INPP5D: variants seen among roughly 807,000 people sequenced by gnomAD.
INPP5D encodes the protein inositol polyphosphate-5-phosphatase D.
INPP5D carries 33 observed loss-of-function variants against 122.9 expected under a neutral mutation model. The observed-to-expected ratio is 0.27, with a 90% CI of 0.20 to 0.36. The LOEUF (loss-of-function observed/expected upper bound fraction) is 0.36, where lower values mean the gene tolerates loss of function less well. Ranked by LOEUF, INPP5D falls within the 10% of genes least tolerant of loss-of-function variation. The pLI is 1.00. For synonymous variants in INPP5D, 584 were observed against 576.2 expected (o/e 1.01, Z -0.19); for missense variants, 1,053 against 1,412.7 (o/e 0.75, Z 4.08).
intron 3 of INPP5D, among the ~76,000 whole-genome samples, chr2:233,125,262 A>C (rs1384086684): frequency 6.6e-6 from 1 of 152,144 alleles, no homozygotes; most frequent in Non-Finnish European, 1.5e-5. Flanking sequence ...GAGAGAGGGG[A>C]CCAGGGAGAG....
At chr2:233,091,754 T>C (rs1402872067) in intron 2 of INPP5D, among the ~76,000 whole-genome samples, 1 of 152,274 alleles carries the variant, frequency 6.6e-6, no homozygotes, top group East Asian at 1.9e-4. Flanking sequence ...TAAGGAGGGC[T>C]TGGGAGGCGG....
rs115467136 is a variant in INPP5D at position 233,200,483 on chromosome 2, T to C, written c.2975+2107T>C. On this transcript the variant is annotated intron_variant, in intron 25 of 26. Transcript: ENST00000445964. Reference sequence around the variant, plus strand: ...TAACACTGGTTTTTTCTTCATCCTTTTTCCATGAGGACTTGCGTGCTGTCC... The same window carrying C: ...TAACACTGGTTTTTTCTTCATCCTTCTTCCATGAGGACTTGCGTGCTGTCC... Among the ~76,000 whole-genome samples, 287 of 152,318 alleles carry C rather than the reference T, an allele frequency of 1.9e-3. 2 individuals carry two copies. Among genetic ancestry groups the C allele is most frequent in the African/African-American group, 6.6e-3 (274 of 41,556 alleles).
intron 2 of INPP5D, among the ~76,000 whole-genome samples, chr2:233,099,822 A>T (rs568423793): frequency 6.6e-6 from 1 of 152,314 alleles, no homozygotes; most frequent in East Asian, 1.9e-4. Flanking sequence ...GCAGCTGATA[A>T]AGACATACCT....
intron 6 of INPP5D, 160 bp from the exon 7 acceptor site, chr2:233,146,002 A>T (rs1257672549): frequency 1.0e-5 from 7 of 702,078 alleles, no homozygotes; most frequent in Non-Finnish European, 1.8e-5. Flanking sequence ...AAGATTGTAG[A>T]GATCCCTGTG....
chr2:233,083,143 C>T (rs11674010), intron 2 of INPP5D, among the ~76,000 whole-genome samples: 26 of 152,358 alleles, frequency 1.7e-4, no homozygotes, highest in Middle Eastern at 3.4e-3. Context: ...GCGATGTGGC[C>T]TTGGGCAAGG....
At chr2:233,098,762 C>A (rs79411488) in intron 2 of INPP5D, among the ~76,000 whole-genome samples, 2 of 152,218 alleles carry the variant, frequency 1.3e-5, no homozygotes, top group African/African-American at 4.8e-5. Flanking sequence ...GAACCCAAGG[C>A]CTGCAGAGTG....
intron 2 of INPP5D, among the ~76,000 whole-genome samples, chr2:233,094,175 G>A (rs1227211503): frequency 2.0e-5 from 3 of 151,586 alleles, no homozygotes; most frequent in African/African-American, 4.9e-5. Context: ...GGATATATTG[G>A]GTTAAATAAA....
At chr2:233,092,003 A>G (rs943840315) in intron 2 of INPP5D, among the ~76,000 whole-genome samples, 1 of 152,224 alleles carries the variant, frequency 6.6e-6, no homozygotes, top group African/African-American at 2.4e-5. Flanking sequence ...GGAAAGGCCA[A>G]GGAGGGAAGG....
At chr2:233,116,256 T>TAGATAGATAG (rs1349467023) in intron 2 of INPP5D, among the ~76,000 whole-genome samples, 140 of 121,974 alleles carry the variant, frequency 1.1e-3, no homozygotes, top group Admixed American at 2.3e-3. Context: ...TAGATAGATA[T>TAGATAGATAG]AGATATAGAT....
Position 233,118,321 on chromosome 2 carries a change from A to T in INPP5D, c.199-3786A>T, listed in dbSNP as rs547052829. 7.9e-5 allele frequency among the ~76,000 whole-genome samples: 12 copies of T among 152,126 alleles called. No homozygotes were observed. The East Asian group carries it at 2.3e-3, about 29-fold the overall frequency. ...GGGCCCAGGTTCAGAATGCAACACC[A>T]TGTGTGGGCTGCTCCTCTCTGCACT... On this transcript the variant is annotated intron_variant, in intron 2 of 26. Coordinates refer to ENST00000445964, the MANE Select transcript of INPP5D (RefSeq NM_001017915.3).
chr2:233,132,696 G>A (rs920841808), intron 5 of INPP5D, among the ~76,000 whole-genome samples: 16 of 152,212 alleles, frequency 1.1e-4, no homozygotes, highest in African/African-American at 3.1e-4. Flanking sequence ...AAACTGCTTT[G>A]ATTAGAATAG....
chr2:233,172,426 G>A (rs575681462), intron 17 of INPP5D, among the ~76,000 whole-genome samples: 1 of 152,314 alleles, frequency 6.6e-6, no homozygotes, highest in South Asian at 2.1e-4. Flanking sequence ...GGGCATCGGT[G>A]AGGAGGCCGT....
At chr2:233,121,959 G>T in intron 2 of INPP5D, 148 bp from the exon 3 acceptor site, 1 of 797,044 alleles carries the variant, frequency 1.3e-6, no homozygotes. Context: ...TGGGCATGAG[G>T]GTCACACACC....
At chr2:233,147,680 C>T in intron 9 of INPP5D, 86 bp downstream of exon 9, 1 of 679,498 alleles carries the variant, frequency 1.5e-6, no homozygotes, top group Non-Finnish European at 2.7e-6. Context: ...GAAGGCCTGC[C>T]CTGCAGGTCT....
intron 8 of INPP5D, among the ~76,000 whole-genome samples, chr2:233,147,208 G>A (rs907024649): frequency 1.3e-5 from 2 of 152,114 alleles, no homozygotes; most frequent in Non-Finnish European, 1.5e-5. Flanking sequence ...CCAGCAATTC[G>A]TCTGTTTCCG....
chr2:233,127,366 G>A (rs1407655166), intron 4 of INPP5D, among the ~76,000 whole-genome samples: 2 of 152,202 alleles, frequency 1.3e-5, no homozygotes, highest in Admixed American at 1.3e-4. Context: ...CCATTCTCAG[G>A]GTCAAGGAAA....
At chr2:233,124,089 G>A (rs1331652405) in intron 3 of INPP5D, among the ~76,000 whole-genome samples, 1 of 151,680 alleles carries the variant, frequency 6.6e-6, no homozygotes, top group Non-Finnish European at 1.5e-5. Flanking sequence ...AACCTGCACA[G>A]GTACCCCTGA....
At chr2:233,202,384 T>C (rs1695363893) in intron 25 of INPP5D, among the ~76,000 whole-genome samples, 1 of 152,226 alleles carries the variant, frequency 6.6e-6, no homozygotes, top group Non-Finnish European at 1.5e-5. Context: ...TTTCTATGTA[T>C]GCACCTGCTC....
At chr2:233,158,883 A>G (rs1284761728) in intron 10 of INPP5D, among the ~76,000 whole-genome samples, 2 of 152,022 alleles carry the variant, frequency 1.3e-5, no homozygotes, top group Admixed American at 1.3e-4. Flanking sequence ...GGCTCAAGGG[A>G]TCCCCCCACC....
Sources: allele counts gnomAD v4.1 joint callset (sites outside exome capture counted in the v4.1 genomes callset), GRCh38; gene constraint gnomAD v4.1.1; transcripts MANE v1.5; gene names NCBI Gene and HGNC (gene_info 2026-07-23, HGNC 2026-07-21).